The following LIN28B variants were observed in gnomAD, a reference collection of about 807,000 sequenced individuals.
The protein encoded by LIN28B is protein lin-28 homolog B.
A neutral mutation model predicts 21.9 loss-of-function variants in LIN28B; 5 were observed. The observed-to-expected ratio is 0.23, with a 90% CI of 0.12 to 0.48. The LOEUF is 0.48. LIN28B is among the 20% of genes least tolerant of loss of function. The pLI, the probability that LIN28B is intolerant of heterozygous loss-of-function variation, is 0.98. For synonymous variants in LIN28B, 109 were observed against 111.3 expected, an observed-to-expected ratio of 0.98 and a Z score of 0.13; for missense variants, 245 against 310.5, an observed-to-expected ratio of 0.79 and a Z score of 1.58.
intron 2 of LIN28B, chr6:104,940,637 G>T (rs1039471426): frequency 2.0e-5 from 3 of 150,518 alleles, no homozygotes; most frequent in Admixed American, 6.6e-5. Flanking sequence ...GCGTGCCGCC[G>T]GCTGACGCAG....
chr6:104,970,025 C>T (rs1769942254), intron 2 of LIN28B, among the ~76,000 whole-genome samples: 1 of 152,128 alleles, frequency 6.6e-6, no homozygotes, highest in South Asian at 2.1e-4. Flanking sequence ...ATTCAAGAGG[C>T]TTGTGAAGTA....
At chr6:105,036,950 C>T (rs1184229350) in intron 3 of LIN28B, among the ~76,000 whole-genome samples, 1 of 101,986 alleles carries the variant, frequency 9.8e-6, no homozygotes, top group Non-Finnish European at 2.5e-5. Flanking sequence ...TTAATTTAGC[C>T]TCTAATATTA....
intron 2 of LIN28B, among the ~76,000 whole-genome samples, chr6:104,948,034 T>C (rs950428400): frequency 6.6e-6 from 1 of 152,156 alleles, no homozygotes; most frequent in Non-Finnish European, 1.5e-5. Flanking sequence ...GAAAAAGAGC[T>C]CTAAGTAGAG....
chr6:105,045,284 G>GTTTTTT (rs57205680), intron 3 of LIN28B, among the ~76,000 whole-genome samples: 17 of 116,836 alleles, frequency 1.5e-4, no homozygotes, highest in South Asian at 2.8e-4. Context: ...ATGTCATTCT[G>GTTTTTT]TTTTTTTTTT....
intron 3 of LIN28B, among the ~76,000 whole-genome samples, chr6:105,065,366 T>C (rs1367935886): frequency 6.6e-6 from 1 of 152,232 alleles, no homozygotes; most frequent in Non-Finnish European, 1.5e-5. Flanking sequence ...GAAGATAATA[T>C]CACAGTTTAC....
At chr6:104,941,288 T>C (rs1466183938) in intron 2 of LIN28B, 4 of 152,272 alleles carry the variant, frequency 2.6e-5, no homozygotes, top group African/African-American at 9.6e-5. Context: ...GTGCTGCCGC[T>C]AAGACGCGGG....
intron 2 of LIN28B, among the ~76,000 whole-genome samples, chr6:104,992,255 T>G (rs1359240481): frequency 6.6e-6 from 1 of 152,054 alleles, no homozygotes; most frequent in Non-Finnish European, 1.5e-5. Context: ...AGACAGGGTT[T>G]TTCCATGTTG....
At chr6:105,055,451 T>C (rs1163468096) in intron 3 of LIN28B, among the ~76,000 whole-genome samples, 1 of 152,210 alleles carries the variant, frequency 6.6e-6, no homozygotes, top group Admixed American at 6.5e-5. Context: ...GGAGAACTCC[T>C]GTACCTCTCC....
At chr6:105,003,296 C>G (rs1404726201) in intron 2 of LIN28B, among the ~76,000 whole-genome samples, 1 of 152,114 alleles carries the variant, frequency 6.6e-6, no homozygotes, top group African/African-American at 2.4e-5. Flanking sequence ...TCATAATGTT[C>G]AGTGCTGTAA....
At chr6:104,968,483 C>G (rs1582869998) in intron 2 of LIN28B, among the ~76,000 whole-genome samples, 1 of 152,254 alleles carries the variant, frequency 6.6e-6, no homozygotes, top group Non-Finnish European at 1.5e-5. Context: ...TGCTTTAAAT[C>G]TTTGTCATAA....
chr6:104,991,409 C>G (rs1770474833), intron 2 of LIN28B, among the ~76,000 whole-genome samples: 1 of 151,810 alleles, frequency 6.6e-6, no homozygotes, highest in South Asian at 2.1e-4. Context: ...CCTCACATCC[C>G]AGACGGGGCG....
At chr6:105,018,534 T>C (rs1054136090) in intron 2 of LIN28B, among the ~76,000 whole-genome samples, 1 of 152,204 alleles carries the variant, frequency 6.6e-6, no homozygotes, top group Non-Finnish European at 1.5e-5. Context: ...GTAAAGCTTC[T>C]ATAATGCTTC....
chr6:104,982,957 C>G lies in LIN28B; in HGVS notation c.198+24671C>G, dbSNP rs187667892. Among the ~76,000 whole-genome samples, 3 of 152,170 alleles carry G rather than the reference C, an allele frequency of 2.0e-5. No homozygotes were observed. In the South Asian group the frequency reaches 6.2e-4, roughly 32 times the overall value. On this transcript the variant is annotated intron_variant, in intron 2 of 3. Transcript: ENST00000345080. ...AGGACTACAGGTGTACACTACCATG[C>G]CTGGCTAATTTTTTTCTTTTATTTT... is the stretch of plus-strand genomic sequence containing the variant.
chr6:104,999,817 A>G (rs1336337574), intron 2 of LIN28B, among the ~76,000 whole-genome samples: 3 of 152,012 alleles, frequency 2.0e-5, no homozygotes, highest in Non-Finnish European at 4.4e-5. Flanking sequence ...AGTAGCTGGG[A>G]CTACAGGCAT....
At chr6:105,062,882 T>A (rs1269307481) in intron 3 of LIN28B, among the ~76,000 whole-genome samples, 2 of 152,180 alleles carry the variant, frequency 1.3e-5, no homozygotes, top group African/African-American at 2.4e-5. Flanking sequence ...ATTTTTTTCA[T>A]TTCTATGTTA....
chr6:104,992,082 T>C (rs1219633504), intron 2 of LIN28B, among the ~76,000 whole-genome samples: 1 of 151,798 alleles, frequency 6.6e-6, no homozygotes, highest in Admixed American at 6.6e-5. Flanking sequence ...TTTTTTTTTT[T>C]GAGATGGAGT....
intron 3 of LIN28B, among the ~76,000 whole-genome samples, chr6:105,029,696 G>A (rs1771379174): frequency 6.6e-6 from 1 of 152,178 alleles, no homozygotes; most frequent in African/African-American, 2.4e-5. Flanking sequence ...TAGTGGGTAC[G>A]AATTTAAAGT....
intron 2 of LIN28B, among the ~76,000 whole-genome samples, chr6:105,006,909 A>G (rs1447114897): frequency 1.3e-5 from 2 of 152,226 alleles, no homozygotes; most frequent in African/African-American, 2.4e-5. Flanking sequence ...CCTAATGTAA[A>G]AGACAGTAGG....
rs554192261 is a variant in LIN28B at position 105,037,512 on chromosome 6, T to C, written c.383+11030T>C. Among the ~76,000 whole-genome samples, 156 of 115,618 alleles carry C rather than the reference T, an allele frequency of 1.3e-3. 1 individual carries two copies. Among genetic ancestry groups the C allele is most frequent in the African/African-American group, 4.8e-3 (146 of 30,428 alleles). 75.8% of individuals were successfully genotyped at this position (115,618 alleles called of 152,430 possible). ...CTCCTCCCCCTCCTCCCCGCTCCCT[T>C]CCCCTCTCTTTTTTTTTTGAGACAG... On this transcript the variant is annotated intron_variant, in intron 3 of 3. Coordinates refer to ENST00000345080, the MANE Select transcript of LIN28B (RefSeq NM_001004317.4).
Sources: gnomAD v4.1 joint callset for allele counts (sites outside exome capture counted in the v4.1 genomes callset) on GRCh38, gnomAD v4.1.1 for gene constraint, MANE v1.5 for transcripts, NCBI Gene and HGNC (gene_info 2026-07-23, HGNC 2026-07-21) for gene names.